The following GULP1 variants were observed in gnomAD, a reference collection of about 807,000 sequenced individuals.
The protein encoded by GULP1 is PTB domain-containing engulfment adapter protein 1.
Under a neutral mutation model 40.9 loss-of-function variants are expected in GULP1, and 19 were observed. The ratio of observed to expected loss-of-function variants is 0.46; its 90% CI spans 0.32 to 0.68. GULP1 has a LOEUF of 0.68. Ranked by LOEUF, GULP1 falls within the 30% of genes least tolerant of loss-of-function variation. The probability of loss-of-function intolerance (pLI) is 0.03; values close to 1 mark genes in which losing one functional copy is unlikely to be tolerated. For missense variants in GULP1, 312 were observed against 362.2 expected (o/e 0.86, Z 1.12); for synonymous variants, 119 against 117.6 (o/e 1.01, Z -0.08).
intron 1 of GULP1, among the ~76,000 whole-genome samples, chr2:188,360,715 T>C (rs1185599243): frequency 6.6e-6 from 1 of 152,108 alleles, no homozygotes; most frequent in Non-Finnish European, 1.5e-5. Flanking sequence ...TGGAAACCAT[T>C]TGGCTGCTGT....
chr2:188,341,892 T>C (rs1373861945), intron 1 of GULP1, among the ~76,000 whole-genome samples: 1 of 152,154 alleles, frequency 6.6e-6, no homozygotes, highest in Non-Finnish European at 1.5e-5. Flanking sequence ...ACTCTACAAC[T>C]TGTGGTTTGT....
At chr2:188,559,816 T>C (rs1285183541) in intron 7 of GULP1, among the ~76,000 whole-genome samples, 3 of 152,270 alleles carry the variant, frequency 2.0e-5, no homozygotes, top group East Asian at 3.9e-4. Context: ...GGAAGGGACC[T>C]GGTGGAGATA....
chr2:188,323,595 G>A (rs760952793), intron 1 of GULP1, among the ~76,000 whole-genome samples: 21 of 151,780 alleles, frequency 1.4e-4, no homozygotes, highest in Non-Finnish European at 2.5e-4. Flanking sequence ...TGCAGTTAAG[G>A]AGTTTGTGAG....
Position 188,428,719 on chromosome 2 carries a change from A to G in GULP1, c.-45+44830A>G, listed in dbSNP as rs551171350. Among the ~76,000 whole-genome samples, 15 of 152,254 alleles carry G rather than the reference A, an allele frequency of 9.9e-5. No homozygotes were observed. The South Asian group carries it at 3.1e-3, about 32-fold the overall frequency. ...CCATGCTTTCTATAAAGCCTGGGGA[A>G]CCATGAGCCAATTTAACCTCTTTTC... On this transcript the variant is annotated intron_variant, in intron 2 of 11. Coordinates refer to ENST00000409830, the MANE Select transcript of GULP1 (RefSeq NM_016315.4).
At chr2:188,439,426 C>A (rs2057723447) in intron 2 of GULP1, among the ~76,000 whole-genome samples, 1 of 152,038 alleles carries the variant, frequency 6.6e-6, no homozygotes, top group African/African-American at 2.4e-5. Flanking sequence ...ATAAGAATGT[C>A]ATTTACAGCA....
chr2:188,330,470 G>A (rs1246050674), intron 1 of GULP1, among the ~76,000 whole-genome samples: 1 of 152,140 alleles, frequency 6.6e-6, no homozygotes, highest in Non-Finnish European at 1.5e-5. Flanking sequence ...TCTGAGAGGA[G>A]AACATAAGGA....
chr2:188,321,688 T>C (rs1022798878), intron 1 of GULP1, among the ~76,000 whole-genome samples: 1 of 151,956 alleles, frequency 6.6e-6, no homozygotes, highest in African/African-American at 2.4e-5. Flanking sequence ...CAGTACACAT[T>C]AAATAGTAAA....
At chr2:188,297,656 CTTA>C (rs1348619541) in intron 1 of GULP1, 2 of 348,832 alleles carry the variant, frequency 5.7e-6, no homozygotes, top group Non-Finnish European at 1.2e-5. Context: ...AGTCTACCCT[CTTA>C]TAGAAATAAA....
chr2:188,354,863 A>G (rs2045057861), intron 1 of GULP1, among the ~76,000 whole-genome samples: 1 of 152,202 alleles, frequency 6.6e-6, no homozygotes, highest in African/African-American at 2.4e-5. Context: ...TCTCTTCATA[A>G]CACAGTAAAT....
chr2:188,558,936 T>C (rs1695543915), intron 7 of GULP1, among the ~76,000 whole-genome samples: 1 of 152,142 alleles, frequency 6.6e-6, no homozygotes, highest in Admixed American at 6.5e-5. Flanking sequence ...GTTAAAGGCA[T>C]TCAGTTTTAT....
intron 6 of GULP1, among the ~76,000 whole-genome samples, chr2:188,537,324 T>A: frequency 6.6e-6 from 1 of 152,050 alleles, no homozygotes; most frequent in South Asian, 2.1e-4. Context: ...TCTGGGTTGG[T>A]CATAGATGGC....
intron 6 of GULP1, among the ~76,000 whole-genome samples, chr2:188,540,453 TGC>T (rs971371398): frequency 2.7e-5 from 4 of 150,546 alleles, no homozygotes; most frequent in African/African-American, 1.0e-4. Context: ...TGTGTGTGTG[TGC>T]GTGTGTAAAT....
intron 1 of GULP1, among the ~76,000 whole-genome samples, chr2:188,368,921 A>G (rs10196598): frequency 0.23 from 14,435 of 63,968 alleles, 1,224 homozygotes; most frequent in East Asian, 0.31. Flanking sequence ...ATATATATAT[A>G]TGTATATATA....
chr2:188,524,303 T>G (rs1417636502), intron 5 of GULP1, among the ~76,000 whole-genome samples: 1 of 152,198 alleles, frequency 6.6e-6, no homozygotes, highest in East Asian at 1.9e-4. Flanking sequence ...AGTTTACATA[T>G]ATTTTGCAGG....
At chr2:188,505,169 G>T (rs534023522) in intron 4 of GULP1, among the ~76,000 whole-genome samples, 1 of 151,802 alleles carries the variant, frequency 6.6e-6, no homozygotes, top group South Asian at 2.1e-4. Context: ...GAACCTTATT[G>T]CTGCTTCTTA....
At chr2:188,492,095 G>A (rs981156139) in intron 4 of GULP1, among the ~76,000 whole-genome samples, 1 of 152,010 alleles carries the variant, frequency 6.6e-6, no homozygotes, top group Non-Finnish European at 1.5e-5. Flanking sequence ...TTGCACAGAT[G>A]TGATCGCAAA....
intron 9 of GULP1, chr2:188,582,286 C>G (rs1374885127): frequency 2.2e-6 from 1 of 447,760 alleles, no homozygotes; most frequent in Non-Finnish European, 4.7e-6. Flanking sequence ...ATACTTTCTC[C>G]TTTCCTCCAT....
intron 1 of GULP1, among the ~76,000 whole-genome samples, chr2:188,363,138 A>G (rs1294333238): frequency 1.3e-5 from 2 of 152,096 alleles, no homozygotes. Context: ...ACTTTTTCTT[A>G]TAGAAAACAC....
At chr2:188,358,584 A>T (rs982631420) in intron 1 of GULP1, among the ~76,000 whole-genome samples, 6 of 152,148 alleles carry the variant, frequency 3.9e-5, no homozygotes, top group Admixed American at 2.6e-4. Context: ...TACATGTATC[A>T]TGTATTGAAA....
Sources: gnomAD v4.1 joint callset for allele counts (sites outside exome capture counted in the v4.1 genomes callset) on GRCh38, gnomAD v4.1.1 for gene constraint, MANE v1.5 for transcripts, NCBI Gene and HGNC (gene_info 2026-07-23, HGNC 2026-07-21) for gene names.